The following ADAMTS19 variants were observed in gnomAD, a reference collection of about 807,000 sequenced individuals.
The protein encoded by ADAMTS19 is ADAM metallopeptidase with thrombospondin type 1 motif 19.
ADAMTS19 carries 93 observed loss-of-function variants against 153.3 expected under a neutral mutation model. The ratio of observed to expected loss-of-function variants is 0.61; its 90% CI spans 0.51 to 0.72. The LOEUF is 0.72. Ranked by LOEUF, ADAMTS19 falls within the 30% of genes least tolerant of loss-of-function variation. The pLI, the probability that ADAMTS19 is intolerant of heterozygous loss-of-function variation, is 0.00. For missense variants in ADAMTS19, 1,482 were observed against 1,552.1 expected, an observed-to-expected ratio of 0.95 and a Z score of 0.76; for synonymous variants, 600 against 556.6, an observed-to-expected ratio of 1.08 and a Z score of -1.10.
At chr5:129,646,613 G>T (rs1753077146) in intron 11 of ADAMTS19, among the ~76,000 whole-genome samples, 1 of 151,762 alleles carries the variant, frequency 6.6e-6, no homozygotes, top group African/African-American at 2.4e-5. Flanking sequence ...CCTTAGTAAG[G>T]GCTATACATT....
intron 8 of ADAMTS19, among the ~76,000 whole-genome samples, chr5:129,602,366 C>T (rs1043064978): frequency 1.3e-5 from 2 of 152,216 alleles, no homozygotes; most frequent in Admixed American, 6.5e-5. Context: ...GCTGGGATTA[C>T]AGCACTTCGC....
chr5:129,499,796 G>T (rs982707251), intron 2 of ADAMTS19, among the ~76,000 whole-genome samples: 2 of 152,128 alleles, frequency 1.3e-5, no homozygotes, highest in African/African-American at 4.8e-5. Flanking sequence ...GCTATGGAAT[G>T]CCCCTGGGTT....
At chr5:129,608,898 T>C (rs1751060858) in intron 8 of ADAMTS19, among the ~76,000 whole-genome samples, 1 of 150,550 alleles carries the variant, frequency 6.6e-6, no homozygotes, top group Non-Finnish European at 1.5e-5. Context: ...AAGAAATGCA[T>C]ATAAAGTATA....
At chr5:129,492,118 T>TA (rs1355864540) in intron 2 of ADAMTS19, among the ~76,000 whole-genome samples, 1 of 152,060 alleles carries the variant, frequency 6.6e-6, no homozygotes, top group Non-Finnish European at 1.5e-5. Context: ...TCAGGAAACT[T>TA]ACAATCATGG....
chr5:129,701,617 C>G, intron 20 of ADAMTS19, 25 bp downstream of exon 20: 1 of 1,610,836 alleles, frequency 6.2e-7, no homozygotes, highest in Non-Finnish European at 8.5e-7. Flanking sequence ...CCTTTCTTTC[C>G]CCATTCCTAC....
chr5:129,714,215 C>T (rs546027727), intron 21 of ADAMTS19, among the ~76,000 whole-genome samples: 9 of 150,626 alleles, frequency 6.0e-5, no homozygotes, highest in Non-Finnish European at 8.9e-5. Flanking sequence ...GTCAGGAGAT[C>T]GAGACCATCC....
At chr5:129,675,075 C>T (rs1185569120) in intron 16 of ADAMTS19, among the ~76,000 whole-genome samples, 1 of 152,006 alleles carries the variant, frequency 6.6e-6, no homozygotes, top group Non-Finnish European at 1.5e-5. Context: ...GATATTTTAT[C>T]ATCTTCTGGC....
At chr5:129,543,304 G>A (rs1024855741) in intron 6 of ADAMTS19, among the ~76,000 whole-genome samples, 11 of 151,914 alleles carry the variant, frequency 7.2e-5, no homozygotes, top group Non-Finnish European at 1.3e-4. Context: ...CACACGCCTC[G>A]GCCTCCCAAA....
intron 11 of ADAMTS19, among the ~76,000 whole-genome samples, chr5:129,643,419 CA>C (rs1261515933): frequency 6.8e-6 from 1 of 147,904 alleles, no homozygotes; most frequent in African/African-American, 2.5e-5. Context: ...CACAAAACTC[CA>C]AAGTGTAATT....
chr5:129,616,611 T>G (rs952585481), intron 8 of ADAMTS19, among the ~76,000 whole-genome samples: 3 of 152,038 alleles, frequency 2.0e-5, no homozygotes, highest in Non-Finnish European at 4.4e-5. Flanking sequence ...AGAAGTTTTA[T>G]AAGATAAAAA....
intron 7 of ADAMTS19, among the ~76,000 whole-genome samples, chr5:129,590,298 T>C (rs903634086): frequency 2.0e-5 from 3 of 152,200 alleles, no homozygotes; most frequent in African/African-American, 7.2e-5. Flanking sequence ...CTGGGAATTA[T>C]CTTTTCTTCT....
rs796629331 is a variant in ADAMTS19 at position 129,738,220 on chromosome 5, T to A, written c.*1002T>A. ...TTTCTTCCTTTTAAAAATTAAAAAG[T>A]TTTACAATTATGTGAAACGTTCAAA... On this transcript the variant is annotated 3_prime_UTR_variant, in exon 23 of 23. Transcript: ENST00000274487. The A allele has an allele frequency of 5.9e-5, 9 of 152,158 alleles. No individual in the cohort carries two copies. The highest frequency in any genetic ancestry group is 2.2e-4 in the African/African-American group (9 of 41,528). 9.4% of individuals were successfully genotyped at this position (152,158 alleles called of 1,614,324 possible). A position where few individuals can be genotyped will look rare whatever the true frequency, so the allele number is the denominator to read the frequency against.
intron 7 of ADAMTS19, among the ~76,000 whole-genome samples, chr5:129,586,498 C>T (rs932771605): frequency 6.6e-6 from 1 of 152,168 alleles, no homozygotes; most frequent in African/African-American, 2.4e-5. Context: ...CTTTCCATGG[C>T]TTGATAGCTC....
At chr5:129,611,967 A>G (rs992418375) in intron 8 of ADAMTS19, among the ~76,000 whole-genome samples, 2 of 151,816 alleles carry the variant, frequency 1.3e-5, no homozygotes, top group African/African-American at 2.4e-5. Flanking sequence ...ATCTTTTTTA[A>G]TCTATTTTAT....
intron 13 of ADAMTS19, among the ~76,000 whole-genome samples, chr5:129,650,068 C>T (rs1488375822): frequency 6.6e-6 from 1 of 152,108 alleles, no homozygotes; most frequent in African/African-American, 2.4e-5. Flanking sequence ...CCTGTAGTCC[C>T]AGCTACTCAG....
intron 15 of ADAMTS19, among the ~76,000 whole-genome samples, chr5:129,662,267 T>C (rs564260901): frequency 4.6e-5 from 7 of 152,326 alleles, no homozygotes; most frequent in Non-Finnish European, 8.8e-5. Context: ...AATAGGATGT[T>C]ACTGTGTGCA....
intron 22 of ADAMTS19, among the ~76,000 whole-genome samples, chr5:129,736,142 G>C (rs1757654584): frequency 6.6e-6 from 1 of 152,002 alleles, no homozygotes; most frequent in Admixed American, 6.6e-5. Flanking sequence ...TTCTAGAGCA[G>C]ATGTACTAAA....
intron 14 of ADAMTS19, 74 bp downstream of exon 14, chr5:129,654,507 A>G: frequency 6.6e-7 from 1 of 1,509,524 alleles, no homozygotes; most frequent in Non-Finnish European, 9.0e-7. Context: ...GCTTCACAGC[A>G]TGGTGGAAAG....
chr5:129,707,709 T>C (rs1180953654), intron 21 of ADAMTS19, among the ~76,000 whole-genome samples: 1 of 152,218 alleles, frequency 6.6e-6, no homozygotes, highest in Non-Finnish European at 1.5e-5. Flanking sequence ...TATGTGATTG[T>C]AGGTGGATTT....
Sources: gnomAD v4.1 joint callset for allele counts (sites outside exome capture counted in the v4.1 genomes callset) on GRCh38, gnomAD v4.1.1 for gene constraint, MANE v1.5 for transcripts, NCBI Gene and HGNC (gene_info 2026-07-23, HGNC 2026-07-21) for gene names.